The following FHIT variants were observed in gnomAD, a reference collection of about 807,000 sequenced individuals.
The protein encoded by FHIT is fragile histidine triad diadenosine triphosphatase, also known as bis(5'-adenosyl)-triphosphatase.
Under a neutral mutation model 17.9 loss-of-function variants are expected in FHIT, and 19 were observed. The ratio of observed to expected loss-of-function variants is 1.06; its 90% CI spans 0.74 to 1.56. The LOEUF is 1.56. Ranked by LOEUF, FHIT falls within the 40% of genes most tolerant of loss-of-function variation. FHIT has a pLI of 0.00. For synonymous variants in FHIT, 81 were observed against 69.7 expected, an observed-to-expected ratio of 1.16 and a Z score of -0.81; for missense variants, 248 against 189.2, an observed-to-expected ratio of 1.31 and a Z score of -1.82.
intron 5 of FHIT, among the ~76,000 whole-genome samples, chr3:60,302,457 T>C (rs1305805650): frequency 1.3e-5 from 2 of 152,170 alleles, no homozygotes; most frequent in Non-Finnish European, 2.9e-5. Flanking sequence ...GATTCTATGT[T>C]TTACCATATT....
At position 59,766,602 on chromosome 3, in the gene FHIT, C is replaced by A. The variant is rs563352068; in HGVS notation, c.349-14281G>T. On this transcript the variant is annotated intron_variant, in intron 8 of 9. Coordinates refer to ENST00000492590, the MANE Select transcript of FHIT (RefSeq NM_002012.4). ...TTTTATTTTCACAGCAAAATGCTTGCCCAGATTTTAATAAACATGTCCGCA... is the reference window on the plus strand; with the variant it reads ...TTTTATTTTCACAGCAAAATGCTTGACCAGATTTTAATAAACATGTCCGCA... Among the ~76,000 whole-genome samples the A allele has an allele frequency of 7.9e-5, 12 of 152,310 alleles. No homozygotes were observed. In the East Asian group the frequency reaches 2.3e-3, roughly 29 times the overall value.
intron 5 of FHIT, among the ~76,000 whole-genome samples, chr3:60,197,004 T>G (rs1396526247): frequency 6.6e-6 from 1 of 152,076 alleles, no homozygotes; most frequent in Non-Finnish European, 1.5e-5. Context: ...GCACCCCAAA[T>G]AGATAGATAC....
chr3:61,178,507 G>A (rs1357547993), intron 2 of FHIT, among the ~76,000 whole-genome samples: 1 of 149,142 alleles, frequency 6.7e-6, no homozygotes, highest in African/African-American at 2.5e-5. Context: ...AGTCTGGCCT[G>A]TAAGCCAAAT....
In FHIT at chr3:61,158,276, G is replaced by A. The variant is rs193050490; in HGVS notation, c.-164+42341C>T. ...CGCAGTAGAATCAACTATTGACTTT[G>A]TGCAACCTCTCATCAACAGAACCAT... On this transcript the variant is annotated intron_variant, in intron 2 of 9. Coordinates refer to ENST00000492590, the MANE Select transcript of FHIT (RefSeq NM_002012.4). 2.0e-4 allele frequency among the ~76,000 whole-genome samples: 31 copies of A among 152,204 alleles called. No homozygotes were observed. The East Asian group carries it at 4.6e-3, about 23-fold the overall frequency.
At chr3:60,575,455 G>A (rs377201983) in intron 4 of FHIT, among the ~76,000 whole-genome samples, 1 of 152,148 alleles carries the variant, frequency 6.6e-6, no homozygotes, top group African/African-American at 2.4e-5. Context: ...AAGGACTGTA[G>A]TGGACTGGAA....
chr3:59,791,725 C>CGGTGCAATTCTAGGGCAAG (rs1234434639), intron 8 of FHIT, among the ~76,000 whole-genome samples: 2 of 152,030 alleles, frequency 1.3e-5, no homozygotes, highest in African/African-American at 4.8e-5. Flanking sequence ...ATTAAAAAAA[C>CGGTGCAATTCTAGGGCAAG]GGTGCAATTC....
At chr3:60,207,728 A>G (rs1347592670) in intron 5 of FHIT, among the ~76,000 whole-genome samples, 1 of 152,194 alleles carries the variant, frequency 6.6e-6, no homozygotes, top group Admixed American at 6.5e-5. Flanking sequence ...TTGTTTCTAT[A>G]AAAAGGTCAT....
At chr3:60,657,616 T>C (rs1213727964) in intron 4 of FHIT, among the ~76,000 whole-genome samples, 1 of 152,182 alleles carries the variant, frequency 6.6e-6, no homozygotes, top group East Asian at 1.9e-4. Flanking sequence ...AGTCTCTCCT[T>C]GACCAAACGT....
intron 5 of FHIT, among the ~76,000 whole-genome samples, chr3:60,285,848 T>C (rs544913852): frequency 3.3e-5 from 5 of 152,362 alleles, no homozygotes; most frequent in African/African-American, 9.6e-5. Context: ...TTACTTAGCA[T>C]TGGGATATCC....
At chr3:60,854,348 G>T (rs964047371) in intron 3 of FHIT, among the ~76,000 whole-genome samples, 7 of 152,028 alleles carry the variant, frequency 4.6e-5, no homozygotes, top group African/African-American at 1.7e-4. Context: ...AGCTTTGGAA[G>T]GTGTATCACT....
At chr3:60,921,121 T>G (rs1707258115) in intron 3 of FHIT, among the ~76,000 whole-genome samples, 1 of 152,164 alleles carries the variant, frequency 6.6e-6, no homozygotes, top group Non-Finnish European at 1.5e-5. Flanking sequence ...TAAAAAGTGC[T>G]AAGACTTGAA....
chr3:59,774,207 T>G (rs1702201471), intron 8 of FHIT, among the ~76,000 whole-genome samples: 1 of 152,138 alleles, frequency 6.6e-6, no homozygotes, highest in African/African-American at 2.4e-5. Context: ...TAAAGGGGCT[T>G]TTATTGGAAC....
Position 61,005,443 on chromosome 3 carries a change from G to C in FHIT, c.-111+36604C>G, listed in dbSNP as rs115472701. 4.5e-3 allele frequency among the ~76,000 whole-genome samples: 681 copies of C among 152,250 alleles called. 4 individuals carry two copies. Among genetic ancestry groups the C allele is most frequent in the African/African-American group, 0.016 (667 of 41,532 alleles). On this transcript the variant is annotated intron_variant, in intron 3 of 9. Coordinates refer to ENST00000492590, the MANE Select transcript of FHIT (RefSeq NM_002012.4). ...TGATGGTGATGGTACTGGTGATGGT[G>C]ATGGTGATGGTGACAATGATAATTA... is the stretch of plus-strand genomic sequence containing the variant.
intron 3 of FHIT, among the ~76,000 whole-genome samples, chr3:60,956,303 A>G (rs1408231395): frequency 2.0e-5 from 3 of 152,216 alleles, no homozygotes; most frequent in Admixed American, 2.0e-4. Flanking sequence ...AATTAGAGGT[A>G]TCCTACAGCA....
chr3:60,554,693 A>G (rs1037010448), intron 4 of FHIT, among the ~76,000 whole-genome samples: 3 of 152,160 alleles, frequency 2.0e-5, no homozygotes, highest in Admixed American at 1.3e-4. Context: ...AATAAATACC[A>G]AAAGAAATAC....
chr3:60,893,027 A>G (rs1203209582), intron 3 of FHIT, among the ~76,000 whole-genome samples: 1 of 152,186 alleles, frequency 6.6e-6, no homozygotes, highest in African/African-American at 2.4e-5. Context: ...ACCACAAAAC[A>G]TGGCACCTTG....
chr3:60,289,397 T>C (rs764224733), intron 5 of FHIT, among the ~76,000 whole-genome samples: 1 of 152,198 alleles, frequency 6.6e-6, no homozygotes, highest in Non-Finnish European at 1.5e-5. Context: ...GGACCTTTAA[T>C]TTATAGCTCC....
At chr3:60,825,283 T>G (rs561321443) in intron 3 of FHIT, among the ~76,000 whole-genome samples, 2 of 152,166 alleles carry the variant, frequency 1.3e-5, no homozygotes, top group South Asian at 2.1e-4. Context: ...GACCTAAAAG[T>G]CACCCTTAAA....
chr3:60,265,096 A>G (rs1158809707), intron 5 of FHIT, among the ~76,000 whole-genome samples: 1 of 151,842 alleles, frequency 6.6e-6, no homozygotes, highest in Non-Finnish European at 1.5e-5. Context: ...GTTTATCTTC[A>G]ATGGCTCCTT....
Sources: allele counts gnomAD v4.1 joint callset (sites outside exome capture counted in the v4.1 genomes callset), GRCh38; gene constraint gnomAD v4.1.1; transcripts MANE v1.5; gene names NCBI Gene and HGNC (gene_info 2026-07-23, HGNC 2026-07-21).